Variants in CCND1 observed in about 807,000 individuals in gnomAD.
CCND1 encodes cyclin D1, also known as G1/S-specific cyclin-D1.
Under a neutral mutation model 26.1 loss-of-function variants are expected in CCND1, and 9 were observed. That is an observed-to-expected ratio of 0.35 (90% CI 0.21 to 0.60). CCND1 has a LOEUF of 0.60. Among genes scored for constraint, CCND1 ranks in the 20% least tolerant of loss-of-function variants. The probability of loss-of-function intolerance (pLI) is 0.79; values close to 1 mark genes in which losing one functional copy is unlikely to be tolerated. For synonymous variants in CCND1, 194 were observed against 166.1 expected (o/e 1.17, Z -1.29); for missense variants, 335 against 392.9 (o/e 0.85, Z 1.25).
chr11:69,641,358 C>A lies in CCND1; in HGVS notation c.45C>A (p.Arg15=), dbSNP rs767093177. ...GCTGCGAAGTGGAAACCATCCGCCG[C>A]GCGTACCCCGATGCCAACCTCCTCA... is the stretch of plus-strand genomic sequence containing the variant. ...LLCCEVETIR[R]AYPDANLLND... Residue 15 remains arginine (R), a synonymous_variant, in exon 1 of 5, where the codon CGC becomes CGA. Transcript: ENST00000227507. The A allele has an allele frequency of 1.2e-6, 2 of 1,613,184 alleles. No individual in the cohort carries two copies. The highest frequency in any genetic ancestry group is 1.7e-6 in the Non-Finnish European group (2 of 1,180,018).
intron 3 of CCND1, among the ~76,000 whole-genome samples, chr11:69,646,380 G>A (rs181726755): frequency 4.3e-4 from 66 of 152,152 alleles, no homozygotes; most frequent in Non-Finnish European, 8.2e-4. Flanking sequence ...CTTTCTTCCC[G>A]GCCCCTCGCC....
In CCND1 at chr11:69,641,318, A is replaced by C. The variant is rs1855696258; in HGVS notation, c.5A>C (p.Glu2Ala). 6.2e-7 allele frequency: 1 copy of C among 1,611,616 alleles called. No individual in the cohort carries two copies. Among genetic ancestry groups the C allele is most frequent in the Non-Finnish European group, 8.5e-7 (1 of 1,179,930 alleles). M[E>A]HQLLCCEVET... Reference sequence around the variant, plus strand: ...TGCCCAGGAAGAGCCCCAGCCATGGAACACCAGCTCCTGTGCTGCGAAGTG... The same window carrying C: ...TGCCCAGGAAGAGCCCCAGCCATGGCACACCAGCTCCTGTGCTGCGAAGTG... Residue 2 changes from glutamate (E) to alanine (A), a missense_variant, in exon 1 of 5, where the codon GAA becomes GCA. Coordinates refer to ENST00000227507, the MANE Select transcript of CCND1 (RefSeq NM_053056.3).
rs1287850235 is a variant in CCND1, at chr11:69,654,204, T to A, written c.*2922T>A. 2.9e-6 allele frequency: 2 copies of A among 693,658 alleles called. No individual in the cohort carries two copies. Among genetic ancestry groups the A allele is most frequent in the Non-Finnish European group, 5.3e-6 (2 of 380,104 alleles). 43.0% of individuals were successfully genotyped at this position (693,658 alleles called of 1,614,324 possible). On this transcript the variant is annotated 3_prime_UTR_variant, in exon 5 of 5. Transcript: ENST00000227507. The surrounding 1 kb of genome is among the most constrained non-coding windows in gnomAD (Gnocchi z 6.3). ...GTCTGTCTGAACCACGCGGGGGCCT[T>A]GAGGGACGCTTTGTCTGTCGTGATG... is the stretch of plus-strand genomic sequence containing the variant.
intron 4 of CCND1, among the ~76,000 whole-genome samples, chr11:69,648,911 A>G (rs3212880): frequency 0.053 from 8,109 of 152,156 alleles, 370 homozygotes; most frequent in African/African-American, 0.11. Flanking sequence ...AGCAGATGCT[A>G]TCTAGGGTCC....
intron 1 of CCND1, among the ~76,000 whole-genome samples, 187 bp from the exon 2 acceptor site, chr11:69,642,844 G>A (rs1485526941): frequency 6.6e-6 from 1 of 152,066 alleles, no homozygotes; most frequent in East Asian, 1.9e-4. Flanking sequence ...TTTCAGTTTC[G>A]GGGAGGGTGG....
Position 69,652,209 on chromosome 11 carries a change from G to A in CCND1, c.*927G>A, listed in dbSNP as rs756315808. 24 of 233,518 alleles carry A rather than the reference G, an allele frequency of 1.0e-4. No individual in the cohort carries two copies. The Middle Eastern group carries it at 3.7e-3, about 36-fold the overall frequency. 14.5% of individuals were successfully genotyped at this position (233,518 alleles called of 1,614,324 possible). The stretch of plus-strand genomic sequence containing the variant: ...ATGAGATGCTGGTTTTCTACCCAAC[G>A]GCCCTGCAGCCAGCTCACGTCCAGG... On this transcript the variant is annotated 3_prime_UTR_variant, in exon 5 of 5. Coordinates refer to ENST00000227507, the MANE Select transcript of CCND1 (RefSeq NM_053056.3).
rs890734053 is a variant in CCND1 at position 69,643,759 on chromosome 11, C to A, written c.415-73C>A. 4.0e-5 allele frequency: 59 copies of A among 1,476,140 alleles called. 2 individuals carry two copies. The South Asian group carries it at 6.8e-4, about 17-fold the overall frequency. The allele number at this position is 1,476,140 out of a possible 1,614,324, so 91.4% of individuals were successfully genotyped here. On this transcript the variant is annotated intron_variant, in intron 2 of 4. Coordinates refer to ENST00000227507, the MANE Select transcript of CCND1 (RefSeq NM_053056.3). ...CGGAGGTGCGGCGTGGCCCGGCCCC[C>A]GTGCTGCCGGCTTCCCCGCGCCCCC...
chr11:69,646,683 C>T (rs1023098290), intron 3 of CCND1, among the ~76,000 whole-genome samples: 13 of 152,200 alleles, frequency 8.5e-5, no homozygotes, highest in African/African-American at 2.4e-4. Flanking sequence ...CCCCAGGCTC[C>T]GCTGGGGTGG....
rs752842346 is a variant in CCND1 at position 69,644,080 on chromosome 11, T to A, written c.574+89T>A. On this transcript the variant is annotated intron_variant, in intron 3 of 4. Coordinates refer to ENST00000227507, the MANE Select transcript of CCND1 (RefSeq NM_053056.3). The stretch of plus-strand genomic sequence containing the variant: ...GGCTTCTTGCTCTCCACCTGGGTGC[T>A]GTCTGGGAAGATGTCCCCAGACCCC... The A allele has an allele frequency of 3.3e-5, 44 of 1,344,672 alleles. No individual in the cohort carries two copies. In the Admixed American group the frequency reaches 3.6e-4, roughly 11 times the overall value. The allele number at this position is 1,344,672 out of a possible 1,614,324, so 83.3% of individuals were successfully genotyped here.
In CCND1 at chr11:69,653,880, T is replaced by A. The variant is rs2120129371; in HGVS notation, c.*2598T>A. 2.5e-6 allele frequency: 1 copy of A among 395,636 alleles called. No homozygotes were observed. The highest frequency in any genetic ancestry group is 3.8e-5 in the East Asian group (1 of 26,042). The allele number at this position is 395,636 out of a possible 1,614,324, so 24.5% of individuals were successfully genotyped here. A position where few individuals can be genotyped will look rare whatever the true frequency, so the allele number is the denominator to read the frequency against. Reference sequence around the variant, plus strand: ...TAGCTTCTGGAATTTGTTCAAGTTTTGGGTATGTTTAATCTGTTATGTACT... The same window carrying A: ...TAGCTTCTGGAATTTGTTCAAGTTTAGGGTATGTTTAATCTGTTATGTACT... On this transcript the variant is annotated 3_prime_UTR_variant, in exon 5 of 5. Coordinates refer to ENST00000227507, the MANE Select transcript of CCND1 (RefSeq NM_053056.3).
chr11:69,643,922 C>G lies in CCND1; in HGVS notation c.505C>G (p.Pro169Ala), dbSNP rs1261290754. 2 of 1,613,680 alleles carry G rather than the reference C, an allele frequency of 1.2e-6. No individual in the cohort carries two copies. The highest frequency in any genetic ancestry group is 1.7e-6 in the Non-Finnish European group (2 of 1,180,012). Residue 169 changes from proline to alanine, a missense_variant, in exon 3 of 5, where the codon CCA becomes GCA. By Grantham distance (27) the Pro-to-Ala change is conservative. Transcript: ENST00000227507. ...CATTGAACACTTCCTCTCCAAAATG[C>G]CAGAGGCGGAGGAGAACAAACAGAT... ...DFIEHFLSKM[P>A]EAEENKQIIR...
Position 69,652,841 on chromosome 11 carries a change from T to G in CCND1, c.*1559T>G. 1 of 248,082 alleles carries G rather than the reference T, an allele frequency of 4.0e-6. No individual in the cohort carries two copies. The highest frequency in any genetic ancestry group is 5.3e-5 in the Admixed American group (1 of 18,836). 15.4% of individuals were successfully genotyped at this position (248,082 alleles called of 1,614,324 possible). A position where few individuals can be genotyped will look rare whatever the true frequency, so the allele number is the denominator to read the frequency against. Reference sequence around the variant, plus strand: ...TTTGATGTTACAGATTTAATACAGTTTATTTTTAAAGATAGATCCTTTTAT... The same window carrying G: ...TTTGATGTTACAGATTTAATACAGTGTATTTTTAAAGATAGATCCTTTTAT... On this transcript the variant is annotated 3_prime_UTR_variant, in exon 5 of 5. Coordinates refer to ENST00000227507, the MANE Select transcript of CCND1 (RefSeq NM_053056.3).
Position 69,653,784 on chromosome 11 carries a change from A to G in CCND1, c.*2502A>G. The stretch of plus-strand genomic sequence containing the variant: ...AAGTTGCATAATTATTATTATTATT[A>G]TTATAACAAGTGTGTCTTACGTGCC... On this transcript the variant is annotated 3_prime_UTR_variant, in exon 5 of 5. Coordinates refer to ENST00000227507, the MANE Select transcript of CCND1 (RefSeq NM_053056.3). 1 of 283,346 alleles carries G rather than the reference A, an allele frequency of 3.5e-6. No homozygotes were observed. Among genetic ancestry groups the G allele is most frequent in the Non-Finnish European group, 6.7e-6 (1 of 149,882 alleles). 17.6% of individuals were successfully genotyped at this position (283,346 alleles called of 1,614,324 possible). A position where few individuals can be genotyped will look rare whatever the true frequency, so the allele number is the denominator to read the frequency against.
At position 69,647,977 on chromosome 11, in the gene CCND1, C is replaced by T. The variant is rs772678939; in HGVS notation, c.575-17C>T. 10 of 1,613,354 alleles carry T rather than the reference C, an allele frequency of 6.2e-6. No individual in the cohort carries two copies. In the East Asian group the frequency reaches 1.1e-4, roughly 18 times the overall value. On this transcript the variant is annotated splice_polypyrimidine_tract_variant and intron_variant, in intron 3 of 4. Coordinates refer to ENST00000227507, the MANE Select transcript of CCND1 (RefSeq NM_053056.3). ...TCCCCTGCTCACAGCCTCCTTCCCT[C>T]TCTCCTTCTGCCTCAGATGTGAAGT...
chr11:69,644,750 G>A (rs1050320911), intron 3 of CCND1, among the ~76,000 whole-genome samples: 1 of 152,172 alleles, frequency 6.6e-6, no homozygotes, highest in Admixed American at 6.5e-5. Flanking sequence ...GCTGTCCCCA[G>A]CCCTGCCTCT....
rs868218580 is a variant in CCND1 at position 69,642,972 on chromosome 11, G to A, written c.199-59G>A. On this transcript the variant is annotated intron_variant, in intron 1 of 4. Transcript: ENST00000227507. ...TGCCAAGCGCGATGGGGGGTGCGGG[G>A]GCGTGCGGGGGGGCGGCGCGACCTG... The A allele has an allele frequency of 4.2e-5, 55 of 1,323,682 alleles. 1 individual carries two copies. In the South Asian group the frequency reaches 8.1e-4, roughly 19 times the overall value. 82.0% of individuals were successfully genotyped at this position (1,323,682 alleles called of 1,614,324 possible).
chr11:69,641,871 G>T (rs1855707477), intron 1 of CCND1, among the ~76,000 whole-genome samples: 1 of 152,130 alleles, frequency 6.6e-6, no homozygotes, highest in Non-Finnish European at 1.5e-5. Context: ...TCAGCGGCCG[G>T]GAGCCGCCAA....
Position 69,653,258 on chromosome 11 carries a change from T to C in CCND1, c.*1976T>C. On this transcript the variant is annotated 3_prime_UTR_variant, in exon 5 of 5. Transcript: ENST00000227507. ...TTCTTATTGCGCTGCTACCGTTGAC[T>C]TCCAGGCACGGTTTGGAAATATTCA... The C allele has an allele frequency of 1.4e-6, 1 of 702,214 alleles. No homozygotes were observed. 43.5% of individuals were successfully genotyped at this position (702,214 alleles called of 1,614,324 possible).
At position 69,653,376 on chromosome 11, in the gene CCND1, T is replaced by C; in HGVS notation, c.*2094T>C. On this transcript the variant is annotated 3_prime_UTR_variant, in exon 5 of 5. Coordinates refer to ENST00000227507, the MANE Select transcript of CCND1 (RefSeq NM_053056.3). ...GTCATATACTGCCATGTACTAGTTT[T>C]AGTTTTCTCTTAGAACATTGTATTA... 1 of 696,272 alleles carries C rather than the reference T, an allele frequency of 1.4e-6. No individual in the cohort carries two copies. The highest frequency in any genetic ancestry group is 1.5e-5 in the South Asian group (1 of 65,840). The allele number at this position is 696,272 out of a possible 1,614,324, so 43.1% of individuals were successfully genotyped here. A position where few individuals can be genotyped will look rare whatever the true frequency, so the allele number is the denominator to read the frequency against.
Sources: gnomAD v4.1 joint callset for allele counts (sites outside exome capture counted in the v4.1 genomes callset) on GRCh38, gnomAD v4.1.1 for gene constraint, Gnocchi (gnomAD v3.1) non-coding constraint, MANE v1.5 for transcripts, NCBI Gene and HGNC (gene_info 2026-07-23, HGNC 2026-07-21) for gene names.